Variants in PDIA5 observed in about 807,000 individuals in gnomAD.
PDIA5 encodes the protein protein disulfide isomerase family A member 5.
A neutral mutation model predicts 77.6 loss-of-function variants in PDIA5; 58 were observed. That is an observed-to-expected ratio of 0.75 (90% CI 0.61 to 0.93). PDIA5 has a LOEUF of 0.93. Ranked by LOEUF, PDIA5 falls within the 40% of genes least tolerant of loss-of-function variation. The pLI is 0.00. For synonymous variants in PDIA5, 250 were observed against 252.1 expected (o/e 0.99, Z 0.08); for missense variants, 630 against 647.7 (o/e 0.97, Z 0.30).
chr3:123,103,269 A>G (rs114771025), intron 5 of PDIA5, among the ~76,000 whole-genome samples: 1,645 of 152,326 alleles, frequency 0.011, 15 homozygotes, highest in Non-Finnish European at 0.016. Flanking sequence ...TTAGAAGTAG[A>G]TGGAAAAGCA....
chr3:123,157,274 C>T (rs560708771), intron 15 of PDIA5, among the ~76,000 whole-genome samples: 91 of 152,230 alleles, frequency 6.0e-4, no homozygotes, highest in Non-Finnish European at 9.8e-4. Context: ...GCTGAACTTA[C>T]TGGTGCCCAC....
Position 123,089,207 on chromosome 3 carries a change from T to A in PDIA5, c.82T>A (p.Ser28Thr). The A allele has an allele frequency of 8.1e-6, 13 of 1,614,008 alleles. No individual in the cohort carries two copies. Among genetic ancestry groups the A allele is most frequent in the Non-Finnish European group, 1.1e-5 (13 of 1,179,842 alleles). Reference protein sequence around the residue: ...PSWLSSAKVSSLIERISDPKD... With the variant: ...PSWLSSAKVSTLIERISDPKD... ...ATGGCTGTCCTCTGCAAAGGTCTCC[T>A]CGCTCATTGAGAGAATCTCTGACCC... Residue 28 changes from serine (S) to threonine (T), a missense_variant, in exon 2 of 17, where the codon TCG (serine) becomes ACG (threonine). Physicochemically the swap from Ser to Thr is moderately conservative, Grantham distance 58 (BLOSUM62 1). Transcript: ENST00000316218.
chr3:123,084,505 T>A (rs2107914473), intron 1 of PDIA5, among the ~76,000 whole-genome samples: 1 of 151,952 alleles, frequency 6.6e-6, no homozygotes, highest in East Asian at 1.9e-4. Context: ...GTTTCCTGTC[T>A]CCTCCCTCTG....
At chr3:123,139,505 C>T (rs762890537) in intron 11 of PDIA5, among the ~76,000 whole-genome samples, 16 of 152,136 alleles carry the variant, frequency 1.1e-4, no homozygotes, top group Non-Finnish European at 2.4e-4. Flanking sequence ...AAAACCTTAA[C>T]AATATCAAGA....
At chr3:123,080,835 A>G (rs1576433513) in intron 1 of PDIA5, among the ~76,000 whole-genome samples, 1 of 152,118 alleles carries the variant, frequency 6.6e-6, no homozygotes, top group Admixed American at 6.5e-5. Context: ...CTGCACAGGG[A>G]TATTCCAGGG....
intron 11 of PDIA5, among the ~76,000 whole-genome samples, chr3:123,142,766 G>A (rs1935672728): frequency 6.6e-6 from 1 of 152,194 alleles, no homozygotes; most frequent in Non-Finnish European, 1.5e-5. Context: ...CACTTTTGGG[G>A]CTATGTGCCT....
At chr3:123,086,222 C>G (rs888653535) in intron 1 of PDIA5, among the ~76,000 whole-genome samples, 1 of 152,248 alleles carries the variant, frequency 6.6e-6, no homozygotes, top group African/African-American at 2.4e-5. Flanking sequence ...AACTGATACT[C>G]TCAGAGTGCT....
intron 11 of PDIA5, among the ~76,000 whole-genome samples, chr3:123,137,445 C>T (rs1486395249): frequency 6.6e-6 from 1 of 152,104 alleles, no homozygotes; most frequent in Non-Finnish European, 1.5e-5. Flanking sequence ...TTTCCATGTT[C>T]CATTAGTCTA....
At chr3:123,122,383 A>G (rs1422238662) in intron 8 of PDIA5, among the ~76,000 whole-genome samples, 3 of 152,252 alleles carry the variant, frequency 2.0e-5, no homozygotes, top group Admixed American at 6.5e-5. Flanking sequence ...CAGGGCTTCA[A>G]GTAAATTCGA....
chr3:123,089,079 C>T (rs1291582862), intron 1 of PDIA5, 89 bp from the exon 2 acceptor site: 2 of 1,288,534 alleles, frequency 1.6e-6, no homozygotes, highest in East Asian at 4.6e-5. Context: ...GGAAGTAAAG[C>T]AGCTCTAGGC....
Position 123,067,214 on chromosome 3 carries a change from TGTGGG to T in PDIA5, c.42+10_42+14del, listed in dbSNP as rs1933589509. 3 of 1,246,152 alleles carry T rather than the reference TGTGGG, an allele frequency of 2.4e-6. No homozygotes were observed. In the African/African-American group the frequency reaches 4.7e-5, roughly 19 times the overall value. The allele number at this position is 1,246,152 out of a possible 1,614,324, so 77.2% of individuals were successfully genotyped here. On this transcript the variant is annotated intron_variant, in intron 1 of 16. Transcript: ENST00000316218. ...CTGCTGCTGGCAATCTGGGTGAGAC[TGTGGG>T]GCAGGGATCCGGGCCGGGCCAGCAC...
intron 14 of PDIA5, among the ~76,000 whole-genome samples, chr3:123,152,787 T>C (rs1423277886): frequency 1.3e-5 from 2 of 152,160 alleles, no homozygotes; most frequent in Non-Finnish European, 1.5e-5. Flanking sequence ...TGCACAGCTC[T>C]TCCTCCTGCT....
At chr3:123,137,932 T>A (rs960927699) in intron 11 of PDIA5, among the ~76,000 whole-genome samples, 1 of 152,186 alleles carries the variant, frequency 6.6e-6, no homozygotes, top group Non-Finnish European at 1.5e-5. Context: ...ATTTTTCATT[T>A]GTCTATTGTG....
chr3:123,078,246 G>C (rs115559641), intron 1 of PDIA5, among the ~76,000 whole-genome samples: 1 of 152,142 alleles, frequency 6.6e-6, no homozygotes, highest in Non-Finnish European at 1.5e-5. Context: ...TCACATGAAC[G>C]GAGGCGAGAC....
intron 1 of PDIA5, among the ~76,000 whole-genome samples, chr3:123,084,067 C>G (rs762274449): frequency 1.3e-5 from 2 of 152,096 alleles, no homozygotes; most frequent in Non-Finnish European, 2.9e-5. Flanking sequence ...TGGACCCCAT[C>G]TCCCTGGATT....
In PDIA5 at chr3:123,067,074, T is replaced by G; in HGVS notation, c.-91T>G. 6 of 1,055,044 alleles carry G rather than the reference T, an allele frequency of 5.7e-6. No homozygotes were observed. Among genetic ancestry groups the G allele is most frequent in the Non-Finnish European group, 6.1e-6 (5 of 825,234 alleles). The allele number at this position is 1,055,044 out of a possible 1,614,324, so 65.4% of individuals were successfully genotyped here. A position where few individuals can be genotyped will look rare whatever the true frequency, so the allele number is the denominator to read the frequency against. On this transcript the variant is annotated 5_prime_UTR_variant, in exon 1 of 17. Coordinates refer to ENST00000316218, the MANE Select transcript of PDIA5 (RefSeq NM_006810.4). ...GCGGGGAGCGGCTGGGAAGTGGCCGTGGTGGTTGGCCGCGGTGGAGCTAGC... is the reference window on the plus strand; with the variant it reads ...GCGGGGAGCGGCTGGGAAGTGGCCGGGGTGGTTGGCCGCGGTGGAGCTAGC...
intron 8 of PDIA5, 69 bp from the exon 9 acceptor site, chr3:123,123,997 G>T: frequency 1.1e-6 from 1 of 944,570 alleles, no homozygotes; most frequent in Non-Finnish European, 1.7e-6. Context: ...CAGCTGGACA[G>T]ATGGCGTGTG....
chr3:123,109,093 T>G (rs977648138), intron 6 of PDIA5, among the ~76,000 whole-genome samples: 1 of 152,212 alleles, frequency 6.6e-6, no homozygotes, highest in African/African-American at 2.4e-5. Context: ...CTTCTGTAAC[T>G]GTAGGAATAT....
chr3:123,113,619 T>A (rs1036100818), intron 7 of PDIA5, among the ~76,000 whole-genome samples: 1 of 152,198 alleles, frequency 6.6e-6, no homozygotes, highest in Non-Finnish European at 1.5e-5. Context: ...TTTTACAAAA[T>A]GAAACAAACT....
Sources: gnomAD v4.1 joint callset for allele counts (sites outside exome capture counted in the v4.1 genomes callset) on GRCh38, gnomAD v4.1.1 for gene constraint, MANE v1.5 for transcripts, NCBI Gene and HGNC (gene_info 2026-07-23, HGNC 2026-07-21) for gene names.